The following COL15A1 variants were observed in gnomAD, a reference collection of about 807,000 sequenced individuals.
The protein encoded by COL15A1 is collagen type XV alpha 1 chain.
Under a neutral mutation model 165.9 loss-of-function variants are expected in COL15A1, and 111 were observed. That is an observed-to-expected ratio of 0.67 (90% CI 0.57 to 0.78). COL15A1 has a LOEUF of 0.78. COL15A1 is among the 30% of genes least tolerant of loss of function. The pLI is 0.00. For missense variants in COL15A1, 1,745 were observed against 1,789.7 expected (o/e 0.98, Z 0.45); for synonymous variants, 659 against 674.8 (o/e 0.98, Z 0.36).
At chr9:99,055,434 A>T in intron 34 of COL15A1, 62 bp downstream of exon 34, 1 of 1,013,894 alleles carries the variant, frequency 9.9e-7, no homozygotes, top group Non-Finnish European at 1.6e-6. Flanking sequence ...GGAAGCCCCC[A>T]ATGGGACTAG....
chr9:98,975,618 T>A (rs1838129709), intron 2 of COL15A1, among the ~76,000 whole-genome samples: 2 of 152,214 alleles, frequency 1.3e-5, no homozygotes, highest in African/African-American at 4.8e-5. Flanking sequence ...AGTCGCACCC[T>A]GCCCTGACTG....
Position 99,015,403 on chromosome 9 carries a change from C to A in COL15A1, c.1354-14C>A. ...GGCGAAGGGGCACAGCTCCTCATGC[C>A]AATTTCATTTCAGGGTCCAAGCAGT... On this transcript the variant is annotated splice_polypyrimidine_tract_variant and intron_variant, in intron 9 of 41. Coordinates refer to ENST00000375001, the MANE Select transcript of COL15A1 (RefSeq NM_001855.5). The A allele has an allele frequency of 6.3e-7, 1 of 1,599,700 alleles. No individual in the cohort carries two copies. The highest frequency in any genetic ancestry group is 8.6e-7 in the Non-Finnish European group (1 of 1,168,250).
intron 2 of COL15A1, among the ~76,000 whole-genome samples, chr9:98,965,209 G>A (rs957133442): frequency 1.3e-5 from 2 of 152,198 alleles, no homozygotes; most frequent in Non-Finnish European, 2.9e-5. Context: ...AAAATGGTCA[G>A]CTAGAACCTT....
chr9:98,954,955 A>C (rs1468979728), intron 2 of COL15A1, among the ~76,000 whole-genome samples: 1 of 152,112 alleles, frequency 6.6e-6, no homozygotes, highest in Non-Finnish European at 1.5e-5. Context: ...CATTTTGCAC[A>C]TGTCTGTGGA....
chr9:98,993,007 C>T (rs780904351), intron 5 of COL15A1, among the ~76,000 whole-genome samples: 5 of 152,150 alleles, frequency 3.3e-5, no homozygotes, highest in African/African-American at 7.2e-5. Flanking sequence ...CCATGCTTCC[C>T]CAACCCAACT....
chr9:99,016,977 G>A (rs1168302583), intron 11 of COL15A1, among the ~76,000 whole-genome samples: 1 of 152,224 alleles, frequency 6.6e-6, no homozygotes, highest in African/African-American at 2.4e-5. Context: ...TTGCTCCGGG[G>A]CCTCCTATAG....
chr9:99,055,341 C>T lies in COL15A1; in HGVS notation c.3161C>T (p.Pro1054Leu), dbSNP rs374892817. 1 of 1,613,354 alleles carries T rather than the reference C, an allele frequency of 6.2e-7. No homozygotes were observed. The highest frequency in any genetic ancestry group is 1.3e-5 in the African/African-American group (1 of 74,930). Reference sequence around the variant, plus strand: ...AATGGCAGCTTCCTTATGTCTGGGCCTCCAGGCCTGCCCGGAAATCCAGGC... The same window carrying T: ...AATGGCAGCTTCCTTATGTCTGGGCTTCCAGGCCTGCCCGGAAATCCAGGC... Reference protein sequence around the residue: ...DINGSFLMSGPPGLPGNPGPA... With the variant: ...DINGSFLMSGLPGLPGNPGPA... The change falls in exon 34 of 42, where the codon CCT becomes CTT. Residue 1054 changes from proline (P) to leucine (L), a missense_variant. By Grantham distance (98) the Pro-to-Leu change is moderately conservative. Coordinates refer to ENST00000375001, the MANE Select transcript of COL15A1 (RefSeq NM_001855.5).
intron 8 of COL15A1, 61 bp from the exon 9 acceptor site, chr9:99,004,837 C>T (rs2118956357): frequency 6.2e-7 from 1 of 1,603,990 alleles, no homozygotes. Flanking sequence ...TGTTCCTTAC[C>T]ACAGTGTGGT....
chr9:98,946,554 G>A (rs986336801), intron 2 of COL15A1, among the ~76,000 whole-genome samples: 3 of 152,212 alleles, frequency 2.0e-5, no homozygotes, highest in African/African-American at 4.8e-5. Flanking sequence ...GTCTTACAGA[G>A]GGGATGTGAC....
chr9:99,023,494 A>C (rs1477708751), intron 14 of COL15A1, 45 bp downstream of exon 14: 1 of 917,250 alleles, frequency 1.1e-6, no homozygotes, highest in East Asian at 2.4e-5. Context: ...GACTGCCTTC[A>C]AAATAACCCC....
intron 16 of COL15A1, among the ~76,000 whole-genome samples, chr9:99,032,208 TTTTA>T (rs1839221562): frequency 6.6e-6 from 1 of 151,888 alleles, no homozygotes; most frequent in South Asian, 2.1e-4. Context: ...TTTAATTTAT[TTTTA>T]TTTATTTATT....
At chr9:99,024,512 C>T (rs1259994165) in intron 14 of COL15A1, among the ~76,000 whole-genome samples, 1 of 152,070 alleles carries the variant, frequency 6.6e-6, no homozygotes, top group Non-Finnish European at 1.5e-5. Context: ...TCTTGATCTC[C>T]TGACCTTGTG....
chr9:99,014,711 T>G (rs1283807860), intron 9 of COL15A1, among the ~76,000 whole-genome samples: 1 of 152,216 alleles, frequency 6.6e-6, no homozygotes, highest in Non-Finnish European at 1.5e-5. Flanking sequence ...CAGGAGATCC[T>G]GACAACATGT....
chr9:99,013,110 C>A (rs1241781214), intron 9 of COL15A1, among the ~76,000 whole-genome samples: 1 of 152,106 alleles, frequency 6.6e-6, no homozygotes, highest in Non-Finnish European at 1.5e-5. Context: ...CAGTGTGTCA[C>A]CACTGAGCCA....
intron 40 of COL15A1, among the ~76,000 whole-genome samples, chr9:99,067,299 G>A (rs1264417653): frequency 6.6e-6 from 1 of 152,126 alleles, no homozygotes; most frequent in Non-Finnish European, 1.5e-5. Flanking sequence ...TTCTTTCATT[G>A]ATACAGGGTT....
At chr9:99,062,901 A>G in intron 38 of COL15A1, 149 bp from the exon 39 acceptor site, 2 of 908,140 alleles carry the variant, frequency 2.2e-6, no homozygotes, top group South Asian at 2.0e-5. Flanking sequence ...AGGTCATGAA[A>G]CTCTTTACAG....
intron 8 of COL15A1, among the ~76,000 whole-genome samples, chr9:99,004,657 GT>G (rs1838725226): frequency 6.6e-6 from 1 of 152,188 alleles, no homozygotes; most frequent in Non-Finnish European, 1.5e-5. Context: ...GCCCCTCGGG[GT>G]TGGCAGGGAG....
At position 99,059,966 on chromosome 9, in the gene COL15A1, A is replaced by G. The variant is rs367987402; in HGVS notation, c.3402+13A>G. On this transcript the variant is annotated intron_variant, in intron 36 of 41. Coordinates refer to ENST00000375001, the MANE Select transcript of COL15A1 (RefSeq NM_001855.5). Reference sequence around the variant, plus strand: ...ATCCAGAAACCTGGTCAGTATTATCATCAGTGTGTAGTCATCATTCCATTT... The same window carrying G: ...ATCCAGAAACCTGGTCAGTATTATCGTCAGTGTGTAGTCATCATTCCATTT... The G allele has an allele frequency of 1.2e-6, 2 of 1,613,458 alleles. No homozygotes were observed. Among genetic ancestry groups the G allele is most frequent in the Non-Finnish European group, 1.7e-6 (2 of 1,179,792 alleles).
At chr9:99,015,302 A>G in intron 9 of COL15A1, 115 bp from the exon 10 acceptor site, 1 of 718,562 alleles carries the variant, frequency 1.4e-6, no homozygotes. Flanking sequence ...AGGAAAGGGA[A>G]TCATGGAGCC....
Sources: gnomAD v4.1 joint callset for allele counts (sites outside exome capture counted in the v4.1 genomes callset) on GRCh38, gnomAD v4.1.1 for gene constraint, MANE v1.5 for transcripts, NCBI Gene and HGNC (gene_info 2026-07-23, HGNC 2026-07-21) for gene names.